The following TENT4B variants were observed in gnomAD, a reference collection of about 807,000 sequenced individuals.
TENT4B encodes terminal nucleotidyltransferase 4B, also known as PAP associated domain containing 5.
In TENT4B, 10 loss-of-function variants were observed where a neutral mutation model predicts 75.0. That is an observed-to-expected ratio of 0.13 (90% CI 0.08 to 0.23). The LOEUF is 0.23. TENT4B is among the 10% of genes least tolerant of loss of function. The probability of loss-of-function intolerance (pLI) is 1.00; values close to 1 mark genes in which losing one functional copy is unlikely to be tolerated. For missense variants in TENT4B, 579 were observed against 893.8 expected (o/e 0.65, Z 4.49); for synonymous variants, 350 against 357.7 (o/e 0.98, Z 0.24).
intron 1 of TENT4B, among the ~76,000 whole-genome samples, chr16:50,203,256 T>G (rs2030759102): frequency 6.6e-6 from 1 of 152,212 alleles, no homozygotes; most frequent in African/African-American, 2.4e-5. Context: ...TCTCTCTTGT[T>G]TTTTTTAAAT....
At chr16:50,215,085 G>T (rs764238669) in intron 3 of TENT4B, among the ~76,000 whole-genome samples, 1 of 152,204 alleles carries the variant, frequency 6.6e-6, no homozygotes, top group Non-Finnish European at 1.5e-5. Context: ...TTCAGTTTCA[G>T]TCTTCTCAAA....
rs148042282 is a variant in TENT4B at position 50,164,726 on chromosome 16, A to T, written c.638+10467A>T. Among the ~76,000 whole-genome samples, 603 of 151,988 alleles carry T rather than the reference A, an allele frequency of 4.0e-3. 1 individual carries two copies. Among genetic ancestry groups the T allele is most frequent in the Admixed American group, 0.01 (157 of 15,274 alleles). Reference sequence around the variant, plus strand: ...AAGGGCATCAGAATATTGTGGATATACTTTTTTGACTTAAAAAAAAAGGTT... The same window carrying T: ...AAGGGCATCAGAATATTGTGGATATTCTTTTTTGACTTAAAAAAAAAGGTT... On this transcript the variant is annotated intron_variant, in intron 1 of 11. Transcript: ENST00000561678.
chr16:50,169,430 A>G lies in TENT4B; in HGVS notation c.638+15171A>G, dbSNP rs991280484. ...TTTTTTTTTGCAAAAATGCATCATA[A>G]ATGGTGGTGTGTACATCTCTCAGAA... On this transcript the variant is annotated intron_variant, in intron 1 of 11. Transcript: ENST00000561678. Among the ~76,000 whole-genome samples, 9 of 130,038 alleles carry G rather than the reference A, an allele frequency of 6.9e-5. No homozygotes were observed. The South Asian group carries it at 7.3e-4, about 11-fold the overall frequency. The allele number at this position is 130,038 out of a possible 152,430, so 85.3% of individuals were successfully genotyped here. A position where few individuals can be genotyped will look rare whatever the true frequency, so the allele number is the denominator to read the frequency against.
intron 5 of TENT4B, among the ~76,000 whole-genome samples, chr16:50,219,799 TTTCC>T (rs1403878747): frequency 2.0e-5 from 3 of 150,438 alleles, no homozygotes; most frequent in Non-Finnish European, 1.5e-5. Context: ...CCCTTTCCCT[TTTCC>T]TTCCTTCTGC....
Position 50,230,360 on chromosome 16 carries a change from G to A in TENT4B, c.*1032G>A, listed in dbSNP as rs1280172669. Reference sequence around the variant, plus strand: ...CTCATTCCTGTTGCAGTGAAACTTCGAGTTCCACAGACTTTGCATGCTGGC... The same window carrying A: ...CTCATTCCTGTTGCAGTGAAACTTCAAGTTCCACAGACTTTGCATGCTGGC... On this transcript the variant is annotated 3_prime_UTR_variant, in exon 12 of 12. Coordinates refer to ENST00000561678, the MANE Select transcript of TENT4B (RefSeq NM_001365324.3). 5 of 982,352 alleles carry A rather than the reference G, an allele frequency of 5.1e-6. No homozygotes were observed. The South Asian group carries it at 2.4e-4, about 46-fold the overall frequency. The allele number at this position is 982,352 out of a possible 1,614,324, so 60.9% of individuals were successfully genotyped here.
intron 1 of TENT4B, among the ~76,000 whole-genome samples, chr16:50,206,779 C>A (rs1031878069): frequency 1.3e-5 from 2 of 152,054 alleles, no homozygotes; most frequent in Non-Finnish European, 2.9e-5. Context: ...CTGAAGGATG[C>A]GAAATGGTTC....
intron 1 of TENT4B, among the ~76,000 whole-genome samples, chr16:50,181,464 ATTTTTTTTTTTT>A (rs35488041): frequency 2.7e-5 from 3 of 109,820 alleles, no homozygotes; most frequent in Non-Finnish European, 5.8e-5. Flanking sequence ...CAGCTATTGT[ATTTTTTTTTTTT>A]TTTTTTTTTA....
chr16:50,182,961 C>CTTCTGCCTCAG (rs2038450051), intron 1 of TENT4B, among the ~76,000 whole-genome samples: 1 of 123,042 alleles, frequency 8.1e-6, no homozygotes, highest in Non-Finnish European at 1.6e-5. Context: ...TCAAGCAATC[C>CTTCTGCCTCAG]TTCTGCCTCA....
At chr16:50,214,194 T>C in intron 2 of TENT4B, 27 bp from the exon 3 acceptor site, 1 of 1,519,068 alleles carries the variant, frequency 6.6e-7, no homozygotes, top group Non-Finnish European at 9.1e-7. Flanking sequence ...TAACTCAATA[T>C]AATAACAACT....
At chr16:50,179,907 G>T (rs983330915) in intron 1 of TENT4B, among the ~76,000 whole-genome samples, 1 of 151,970 alleles carries the variant, frequency 6.6e-6, no homozygotes, top group Non-Finnish European at 1.5e-5. Flanking sequence ...CTGCCATACC[G>T]TTGGGTTTCC....
chr16:50,219,700 CT>C (rs2031736115), intron 5 of TENT4B, among the ~76,000 whole-genome samples: 2 of 149,186 alleles, frequency 1.3e-5, no homozygotes, highest in African/African-American at 2.5e-5. Context: ...CTCCCTCCCC[CT>C]CTTCCTCTAT....
Position 50,229,671 on chromosome 16 carries a change from G to T in TENT4B, c.*343G>T. Reference sequence around the variant, plus strand: ...AGAGTTATAGGGAATAGTATTCAGTGTTGGTAGGGTGATAGAAACAAAAAA... The same window carrying T: ...AGAGTTATAGGGAATAGTATTCAGTTTTGGTAGGGTGATAGAAACAAAAAA... On this transcript the variant is annotated 3_prime_UTR_variant, in exon 12 of 12. Coordinates refer to ENST00000561678, the MANE Select transcript of TENT4B (RefSeq NM_001365324.3). 3 of 1,006,404 alleles carry T rather than the reference G, an allele frequency of 3.0e-6. No homozygotes were observed. Among genetic ancestry groups the T allele is most frequent in the Non-Finnish European group, 3.6e-6 (3 of 843,830 alleles). 62.3% of individuals were successfully genotyped at this position (1,006,404 alleles called of 1,614,324 possible).
At chr16:50,200,762 G>T (rs544762276) in intron 1 of TENT4B, among the ~76,000 whole-genome samples, 2 of 151,384 alleles carry the variant, frequency 1.3e-5, no homozygotes, top group Admixed American at 1.3e-4. Context: ...TGTCTATTTT[G>T]AATACCTGCC....
At chr16:50,206,570 G>A (rs186170147) in intron 1 of TENT4B, among the ~76,000 whole-genome samples, 1 of 152,166 alleles carries the variant, frequency 6.6e-6, no homozygotes, top group Admixed American at 6.5e-5. Context: ...CTGTGTCTGG[G>A]CAGGTATCTC....
chr16:50,232,465 G>A lies in TENT4B; in HGVS notation c.*3137G>A. On this transcript the variant is annotated 3_prime_UTR_variant, in exon 12 of 12. Transcript: ENST00000561678. ...CAGGGCAAAACATGGGCTATAGGGT[G>A]AGCATTTTTAATTGTCTTTTTCTGC... 1.0e-6 allele frequency: 1 copy of A among 985,366 alleles called. No individual in the cohort carries two copies. Among genetic ancestry groups the A allele is most frequent in the Non-Finnish European group, 1.2e-6 (1 of 829,938 alleles). The allele number at this position is 985,366 out of a possible 1,614,324, so 61.0% of individuals were successfully genotyped here.
At chr16:50,154,783 C>T (rs1005888368) in intron 1 of TENT4B, among the ~76,000 whole-genome samples, 1 of 152,166 alleles carries the variant, frequency 6.6e-6, no homozygotes, top group Admixed American at 6.6e-5. Flanking sequence ...CCCCATCCCC[C>T]AATCCCAGAC....
At position 50,176,924 on chromosome 16, in the gene TENT4B, T is replaced by G. The variant is rs193251421; in HGVS notation, c.638+22665T>G. Among the ~76,000 whole-genome samples, 584 of 152,236 alleles carry G rather than the reference T, an allele frequency of 3.8e-3. 10 individuals are homozygous for G. The highest frequency in any genetic ancestry group is 0.013 in the African/African-American group (560 of 41,544). ...TTTCTTTGGTTTCTTTTCTGTCTGG[T>G]TTAGGGTAATGCTGGCCTCATAGAA... On this transcript the variant is annotated intron_variant, in intron 1 of 11. Coordinates refer to ENST00000561678, the MANE Select transcript of TENT4B (RefSeq NM_001365324.3).
Position 50,154,217 on chromosome 16 carries a change from G to C in TENT4B, c.596G>C (p.Gly199Ala). The change falls in exon 1 of 12, where the codon GGG (glycine) becomes GCG (alanine). Residue 199 changes from glycine to alanine, a missense_variant. Transcript: ENST00000561678. ...RADGGGVVYS[G>A]TPWKRRNYNQ... ...GACGGCGGCGGGGTCGTGTACAGCG[G>C]GACCCCGTGGAAACGGAGGAACTAC... 6.8e-7 allele frequency: 1 copy of C among 1,473,990 alleles called. No individual in the cohort carries two copies. The highest frequency in any genetic ancestry group is 8.9e-7 in the Non-Finnish European group (1 of 1,120,562). 91.3% of individuals were successfully genotyped at this position (1,473,990 alleles called of 1,614,324 possible).
chr16:50,194,213 TTTC>T (rs961549655), intron 1 of TENT4B, among the ~76,000 whole-genome samples: 15 of 82,718 alleles, frequency 1.8e-4, no homozygotes, highest in African/African-American at 4.4e-4. Context: ...TTCTCTTTTC[TTTC>T]TTTTTTTTTT....
Sources: allele counts gnomAD v4.1 joint callset (sites outside exome capture counted in the v4.1 genomes callset), GRCh38; gene constraint gnomAD v4.1.1; transcripts MANE v1.5; gene names NCBI Gene and HGNC (gene_info 2026-07-23, HGNC 2026-07-21).